NTN1: variants seen among roughly 807,000 people sequenced by gnomAD.
NTN1 encodes netrin 1, also known as netrin-1.
Under a neutral mutation model 54.2 loss-of-function variants are expected in NTN1, and 11 were observed. The ratio of observed to expected loss-of-function variants is 0.20; its 90% CI spans 0.13 to 0.34. NTN1 has a LOEUF of 0.34. NTN1 is among the 10% of genes least tolerant of loss of function. The pLI is 1.00. For missense variants in NTN1, 740 were observed against 893.1 expected (o/e 0.83, Z 2.18); for synonymous variants, 371 against 382.0 (o/e 0.97, Z 0.33).
intron 2 of NTN1, among the ~76,000 whole-genome samples, chr17:9,034,041 G>A (rs1365008386): frequency 6.6e-6 from 1 of 152,314 alleles, no homozygotes; most frequent in East Asian, 1.9e-4. Flanking sequence ...ATGTATTAGG[G>A]ACAATGGTGA....
intron 2 of NTN1, among the ~76,000 whole-genome samples, chr17:9,037,002 C>G (rs554829531): frequency 6.6e-6 from 1 of 152,120 alleles, no homozygotes; most frequent in Non-Finnish European, 1.5e-5. Context: ...CCAGTGTGTT[C>G]GCTAGCTGGT....
At chr17:9,106,456 C>G (rs1043697297) in intron 2 of NTN1, among the ~76,000 whole-genome samples, 2 of 116,810 alleles carry the variant, frequency 1.7e-5, no homozygotes, top group South Asian at 4.6e-4. Context: ...GCATTTCCTT[C>G]CTTCCTTCCT....
At chr17:9,193,925 A>AAAAAAAAAAAAAAAAAC (rs1904542306) in intron 5 of NTN1, among the ~76,000 whole-genome samples, 3 of 132,500 alleles carry the variant, frequency 2.3e-5, no homozygotes, top group African/African-American at 8.8e-5. Flanking sequence ...CCGACTAAAA[A>AAAAAAAAAAAAAAAAAC]AAAAAAAAAA....
chr17:9,152,365 C>T (rs560196956), intron 2 of NTN1, among the ~76,000 whole-genome samples: 19 of 152,248 alleles, frequency 1.2e-4, no homozygotes, highest in Middle Eastern at 3.4e-3. Context: ...CCCAGTTCCC[C>T]GGAGAGGATC....
In NTN1 at chr17:9,033,917, C is replaced by CAAAA. The variant is rs58699789; in HGVS notation, c.1018+10540_1018+10543dup. 2.9e-3 allele frequency among the ~76,000 whole-genome samples: 310 copies of CAAAA among 106,412 alleles called. 1 individual carries two copies. Among genetic ancestry groups the CAAAA allele is most frequent in the African/African-American group, 0.01 (295 of 29,026 alleles). 69.8% of individuals were successfully genotyped at this position (106,412 alleles called of 152,430 possible). On this transcript the variant is annotated intron_variant, in intron 2 of 6. Transcript: ENST00000173229. ...GGGCAACAAGAGCGAAACTCTGTCT[C>CAAAA]AAAAAAAAAAAAAAAAAGAAAAAGA...
At chr17:9,230,680 G>C (rs1289354740) in intron 6 of NTN1, among the ~76,000 whole-genome samples, 1 of 152,040 alleles carries the variant, frequency 6.6e-6, no homozygotes, top group Admixed American at 6.5e-5. Context: ...GGAGGCTCTG[G>C]GGGGATGCGG....
At chr17:9,020,647 A>T (rs2091842922), upstream of NTN1, among the ~76,000 whole-genome samples, 1 of 152,232 alleles carries the variant, frequency 6.6e-6, no homozygotes, top group South Asian at 2.1e-4. Context: ...TGGAGGTCCC[A>T]TGAGCTATTA....
chr17:9,147,408 G>A (rs1373701521), intron 2 of NTN1, among the ~76,000 whole-genome samples: 2 of 152,206 alleles, frequency 1.3e-5, no homozygotes, highest in Non-Finnish European at 2.9e-5. Context: ...CCAGCTACTA[G>A]GGAGGCTGAG....
At chr17:9,113,650 C>G (rs531375558) in intron 2 of NTN1, among the ~76,000 whole-genome samples, 1 of 152,078 alleles carries the variant, frequency 6.6e-6, no homozygotes, top group Non-Finnish European at 1.5e-5. Context: ...AGAGGACAGT[C>G]CGAGACTAGA....
chr17:9,018,742 C>T (rs996375538), upstream of NTN1, among the ~76,000 whole-genome samples: 1 of 152,034 alleles, frequency 6.6e-6, no homozygotes, highest in African/African-American at 2.4e-5. Context: ...GTCAGCTGAG[C>T]ACCCCAATTT....
chr17:9,082,644 G>A (rs1402087397), intron 2 of NTN1, among the ~76,000 whole-genome samples: 1 of 152,040 alleles, frequency 6.6e-6, no homozygotes, highest in East Asian at 1.9e-4. Context: ...GGGCTTCACA[G>A]AGAGGATAGG....
chr17:9,201,181 G>A (rs745903498), intron 5 of NTN1, among the ~76,000 whole-genome samples: 1 of 152,158 alleles, frequency 6.6e-6, no homozygotes, highest in Admixed American at 6.5e-5. Context: ...TCTCTGGCTC[G>A]AATGCAGATT....
In NTN1 at chr17:9,038,265, C is replaced by CTCACACACACACACACACACACACACACA. The variant is rs55982115; in HGVS notation, c.1018+14874_1018+14875insTCACACACACACACACACACACACACACA. Among the ~76,000 whole-genome samples the CTCACACACACACACACACACACACACACA allele has an allele frequency of 1.6e-3, 233 of 144,172 alleles. 2 individuals are homozygous for CTCACACACACACACACACACACACACACA. The highest frequency in any genetic ancestry group is 5.2e-3 in the African/African-American group (197 of 37,722). The allele number at this position is 144,172 out of a possible 152,430, so 94.6% of individuals were successfully genotyped here. A position where few individuals can be genotyped will look rare whatever the true frequency, so the allele number is the denominator to read the frequency against. Reference sequence around the variant, plus strand: ...TGTCTTCTCCTCTCTTTCTCTCTCTCCACACACACACACACCTGAGATCAC... The same window carrying CTCACACACACACACACACACACACACACA: ...TGTCTTCTCCTCTCTTTCTCTCTCTCTCACACACACACACACACACACACACACACACACACACACACACCTGAGATCAC... On this transcript the variant is annotated intron_variant, in intron 2 of 6. Coordinates refer to ENST00000173229, the MANE Select transcript of NTN1 (RefSeq NM_004822.3).
At chr17:9,220,331 C>T (rs958528217) in intron 5 of NTN1, among the ~76,000 whole-genome samples, 8 of 152,228 alleles carry the variant, frequency 5.3e-5, no homozygotes, top group Admixed American at 3.3e-4. Context: ...GGGAGATTTG[C>T]TGAGGCTCTG....
intron 2 of NTN1, among the ~76,000 whole-genome samples, chr17:9,050,028 T>C (rs558831885): frequency 0.01 from 1,527 of 150,496 alleles, 27 homozygotes; most frequent in African/African-American, 0.033. Flanking sequence ...GGGTGGATCA[T>C]GAGGTCAGGA....
At chr17:9,059,472 A>T (rs1434213647) in intron 2 of NTN1, among the ~76,000 whole-genome samples, 1 of 152,222 alleles carries the variant, frequency 6.6e-6, no homozygotes, top group Non-Finnish European at 1.5e-5. Flanking sequence ...ACCCTACGTA[A>T]TATCACTCAG....
At chr17:9,112,643 G>T (rs1460376538) in intron 2 of NTN1, among the ~76,000 whole-genome samples, 1 of 151,692 alleles carries the variant, frequency 6.6e-6, no homozygotes, top group East Asian at 1.9e-4. Context: ...GGCTAACATG[G>T]TGAAACCCCG....
At chr17:9,180,238 T>C (rs930078103) in intron 4 of NTN1, among the ~76,000 whole-genome samples, 1 of 152,226 alleles carries the variant, frequency 6.6e-6, no homozygotes, top group African/African-American at 2.4e-5. Context: ...GGGATTTCGC[T>C]GTGTTGGCCA....
At chr17:9,036,778 C>T (rs568672488) in intron 2 of NTN1, among the ~76,000 whole-genome samples, 7 of 152,270 alleles carry the variant, frequency 4.6e-5, no homozygotes, top group African/African-American at 1.7e-4. Flanking sequence ...GAACTCACCC[C>T]ATTCCCTGCT....
Sources: allele counts gnomAD v4.1 joint callset (sites outside exome capture counted in the v4.1 genomes callset), GRCh38; gene constraint gnomAD v4.1.1; transcripts MANE v1.5; gene names NCBI Gene and HGNC (gene_info 2026-07-23, HGNC 2026-07-21).